The following KLF13 variants were observed in gnomAD, a reference collection of about 807,000 sequenced individuals.
KLF13 encodes the protein Krueppel-like factor 13.
A neutral mutation model predicts 16.7 loss-of-function variants in KLF13; 8 were observed. The ratio of observed to expected loss-of-function variants is 0.48; its 90% CI spans 0.28 to 0.87. The LOEUF (loss-of-function observed/expected upper bound fraction) is 0.87. Ranked by LOEUF, KLF13 falls within the 40% of genes least tolerant of loss-of-function variation. The pLI is 0.10. For missense variants in KLF13, 447 were observed against 452.2 expected, an observed-to-expected ratio of 0.99 and a Z score of 0.10; for synonymous variants, 245 against 208.4, an observed-to-expected ratio of 1.18 and a Z score of -1.51.
intron 1 of KLF13, among the ~76,000 whole-genome samples, 159 bp downstream of exon 1, chr15:31,327,948 G>T (rs921136676): frequency 5.4e-5 from 8 of 147,886 alleles, no homozygotes; most frequent in African/African-American, 1.7e-4. Flanking sequence ...CCCGCGGCTG[G>T]CCCCGCGCGT....
At chr15:31,353,731 A>G (rs2039254494) in intron 1 of KLF13, among the ~76,000 whole-genome samples, 1 of 152,156 alleles carries the variant, frequency 6.6e-6, no homozygotes, top group South Asian at 2.1e-4. Flanking sequence ...CCAGAGTTCC[A>G]ACAGTGAGCT....
At chr15:31,411,709 C>T (rs972467718) in intron 1 of KLF13, among the ~76,000 whole-genome samples, 1 of 151,756 alleles carries the variant, frequency 6.6e-6, no homozygotes, top group African/African-American at 2.4e-5. Flanking sequence ...CTGGCCCAAA[C>T]AAAAATTTTT....
intron 1 of KLF13, chr15:31,393,428 C>A (rs535945209): frequency 2.0e-5 from 3 of 151,878 alleles, no homozygotes; most frequent in Non-Finnish European, 4.4e-5. Flanking sequence ...GCCCGTCCCC[C>A]CCCCGTCCCC....
chr15:31,327,130 CG>C lies in KLF13; in HGVS notation c.-82del. 8.6e-7 allele frequency: 1 copy of C among 1,161,766 alleles called. No individual in the cohort carries two copies. Among genetic ancestry groups the C allele is most frequent in the Non-Finnish European group, 1.1e-6 (1 of 934,756 alleles). The allele number at this position is 1,161,766 out of a possible 1,614,324, so 72.0% of individuals were successfully genotyped here. A position where few individuals can be genotyped will look rare whatever the true frequency, so the allele number is the denominator to read the frequency against. ...GAGGGCGCGCCGCGCCCCCGCCCCC[CG>C]CCCGCTCTCCCGAGGCCGTGGGTGC... On this transcript the variant is annotated 5_prime_UTR_variant, in exon 1 of 2. Transcript: ENST00000307145.
chr15:31,417,003 G>A (rs991371970), intron 1 of KLF13, among the ~76,000 whole-genome samples: 1 of 152,146 alleles, frequency 6.6e-6, no homozygotes, highest in African/African-American at 2.4e-5. Flanking sequence ...AATGTTATGA[G>A]TAATTATCGT....
intron 1 of KLF13, among the ~76,000 whole-genome samples, chr15:31,427,338 CAAAAAACA>C (rs1566850344): frequency 6.6e-6 from 1 of 151,730 alleles, no homozygotes; most frequent in African/African-American, 2.4e-5. Context: ...AAACAAAAAA[CAAAAAACA>C]AAACAAAAAA....
chr15:31,347,039 G>A (rs759944638), intron 1 of KLF13, among the ~76,000 whole-genome samples: 1 of 152,196 alleles, frequency 6.6e-6, no homozygotes, highest in South Asian at 2.1e-4. Context: ...CTGGGACAAG[G>A]TCAGGTCTGT....
intron 1 of KLF13, 70 bp downstream of exon 1, chr15:31,327,859 G>A (rs1274406372): frequency 1.2e-5 from 15 of 1,263,320 alleles, no homozygotes; most frequent in East Asian, 7.0e-5. Flanking sequence ...CCACGCCCCC[G>A]GAGTCCCCGA....
intron 1 of KLF13, among the ~76,000 whole-genome samples, chr15:31,420,999 CCTAT>C (rs1224204815): frequency 2.3e-4 from 35 of 152,126 alleles, no homozygotes; most frequent in African/African-American, 7.5e-4. Flanking sequence ...GGCTTCCCTG[CCTAT>C]CTTTGTGTTG....
At chr15:31,380,955 C>A (rs1002748104), downstream of KLF13, among the ~76,000 whole-genome samples, 2 of 152,144 alleles carry the variant, frequency 1.3e-5, no homozygotes, top group African/African-American at 4.8e-5. Flanking sequence ...AGGCAGATCA[C>A]GAGGTCAGGA....
At chr15:31,391,509 G>A (rs1432205386), upstream of KLF13, among the ~76,000 whole-genome samples, 1 of 151,904 alleles carries the variant, frequency 6.6e-6, no homozygotes, top group Non-Finnish European at 1.5e-5. Context: ...AACAATGGGG[G>A]CCCTGCACCG....
chr15:31,385,324 G>T (rs992240851), intron 1 of KLF13, among the ~76,000 whole-genome samples: 4 of 152,252 alleles, frequency 2.6e-5, no homozygotes, highest in African/African-American at 9.6e-5. Flanking sequence ...TCAGGACAAG[G>T]TGACTGAGAG....
downstream of KLF13, among the ~76,000 whole-genome samples, chr15:31,378,529 G>A (rs1426553286): frequency 1.3e-5 from 2 of 152,194 alleles, no homozygotes; most frequent in South Asian, 2.1e-4. Context: ...ATCGGAGGCA[G>A]TGGGAAGCTG....
At chr15:31,352,320 CAG>C (rs2039229690) in intron 1 of KLF13, among the ~76,000 whole-genome samples, 1 of 152,246 alleles carries the variant, frequency 6.6e-6, no homozygotes, top group Non-Finnish European at 1.5e-5. Context: ...AGGCCACGCT[CAG>C]GGGTTTCTAC....
Position 31,327,586 on chromosome 15 carries a change from C to CGGAGCCCGAGGCGGGGCT in KLF13, c.385_402dup (p.Ala129_Glu134dup). The CGGAGCCCGAGGCGGGGCT allele has an allele frequency of 1.6e-6, 2 of 1,223,942 alleles. No individual in the cohort carries two copies. Among genetic ancestry groups the CGGAGCCCGAGGCGGGGCT allele is most frequent in the Non-Finnish European group, 2.1e-6 (2 of 971,734 alleles). 75.8% of individuals were successfully genotyped at this position (1,223,942 alleles called of 1,614,324 possible). On this transcript the variant is annotated inframe_insertion, in exon 1 of 2. Transcript: ENST00000307145. ...CCCCCCAGCCCGGCGTGGAGCGAGCCGGAGCCCGAGGCGGGGCTGGAGCCC... is the reference window on the plus strand; with the variant it reads ...CCCCCCAGCCCGGCGTGGAGCGAGCCGGAGCCCGAGGCGGGGCTGGAGCCCGAGGCGGGGCTGGAGCCC...
downstream of KLF13, among the ~76,000 whole-genome samples, chr15:31,407,646 GAAA>G (rs1566841252): frequency 6.6e-6 from 1 of 152,014 alleles, no homozygotes; most frequent in African/African-American, 2.4e-5. Context: ...TAAAAATCAA[GAAA>G]AAGAAAAATA....
At chr15:31,328,114 C>T (rs955324815) in intron 1 of KLF13, among the ~76,000 whole-genome samples, 2 of 149,784 alleles carry the variant, frequency 1.3e-5, no homozygotes, top group Admixed American at 6.6e-5. Flanking sequence ...CGGGAGGCGG[C>T]GCGGGCAGGT....
intron 1 of KLF13, among the ~76,000 whole-genome samples, chr15:31,419,628 A>G (rs780895252): frequency 2.0e-5 from 3 of 152,232 alleles, no homozygotes; most frequent in African/African-American, 4.8e-5. Flanking sequence ...CACAGGAACA[A>G]AAAGAATAAA....
chr15:31,364,520 A>AG (rs2039435249), intron 1 of KLF13, among the ~76,000 whole-genome samples: 1 of 152,260 alleles, frequency 6.6e-6, no homozygotes, highest in South Asian at 2.1e-4. Context: ...CTTGGCCCAT[A>AG]GGTGATAACA....
Sources: allele counts gnomAD v4.1 joint callset (sites outside exome capture counted in the v4.1 genomes callset), GRCh38; gene constraint gnomAD v4.1.1; transcripts MANE v1.5; gene names NCBI Gene and HGNC (gene_info 2026-07-23, HGNC 2026-07-21).